Variants in HPSE2 observed in about 807,000 individuals in gnomAD.
The protein encoded by HPSE2 is heparanase 2 (inactive), also known as inactive heparanase-2.
In HPSE2, 38 loss-of-function variants were observed where a neutral mutation model predicts 60.5. The ratio of observed to expected loss-of-function variants is 0.63; its 90% CI spans 0.48 to 0.82. HPSE2 has a LOEUF of 0.82. Among genes scored for constraint, HPSE2 ranks in the 40% least tolerant of loss-of-function variants. The probability of loss-of-function intolerance (pLI) is 0.00; values close to 1 mark genes in which losing one functional copy is unlikely to be tolerated. For missense variants in HPSE2, 713 were observed against 740.4 expected, an observed-to-expected ratio of 0.96 and a Z score of 0.43; for synonymous variants, 295 against 293.2, an observed-to-expected ratio of 1.01 and a Z score of -0.06.
At position 98,821,494 on chromosome 10, in the gene HPSE2, T is replaced by C. The variant is rs1951422344; in HGVS notation, c.611-77438A>G. Among the ~76,000 whole-genome samples, 5 of 152,188 alleles carry C rather than the reference T, an allele frequency of 3.3e-5. No individual in the cohort carries two copies. In the South Asian group the frequency reaches 1.0e-3, roughly 32 times the overall value. ...CATATATGTGGTCAGTTGACAAAAA[T>C]GTGCAGCACATGACTACATGCAGCA... On this transcript the variant is annotated intron_variant, in intron 3 of 11. Transcript: ENST00000370552.
intron 3 of HPSE2, among the ~76,000 whole-genome samples, chr10:99,073,249 G>C (rs987233755): frequency 6.6e-6 from 1 of 152,088 alleles, no homozygotes; most frequent in African/African-American, 2.4e-5. Flanking sequence ...TGATAGACTG[G>C]ACAAAGAAAA....
At chr10:98,772,432 C>T (rs1950261039) in intron 3 of HPSE2, among the ~76,000 whole-genome samples, 1 of 152,184 alleles carries the variant, frequency 6.6e-6, no homozygotes, top group Non-Finnish European at 1.5e-5. Context: ...TGACTGAAGA[C>T]ATGGCCAGGA....
At chr10:99,103,581 G>C (rs1260476492) in intron 3 of HPSE2, among the ~76,000 whole-genome samples, 2 of 152,134 alleles carry the variant, frequency 1.3e-5, no homozygotes, top group Non-Finnish European at 2.9e-5. Context: ...TAGATTCAAT[G>C]CCATCCCCAT....
At chr10:98,580,836 A>ATATATATATATATATGTGTGTGTGTGTG in intron 9 of HPSE2, among the ~76,000 whole-genome samples, 28 of 119,552 alleles carry the variant, frequency 2.3e-4, no homozygotes, top group African/African-American at 9.3e-4. Flanking sequence ...ATATATATAT[A>ATATATATATATATATGTGTGTGTGTGTG]TGTGTGTGTG....
chr10:98,564,882 G>T (rs1944295562), intron 9 of HPSE2, among the ~76,000 whole-genome samples: 1 of 151,956 alleles, frequency 6.6e-6, no homozygotes, highest in East Asian at 1.9e-4. Flanking sequence ...CTAATTCTGG[G>T]GTGACTCTAC....
chr10:99,007,160 A>C (rs1956913508), intron 3 of HPSE2, among the ~76,000 whole-genome samples: 1 of 152,168 alleles, frequency 6.6e-6, no homozygotes, highest in Non-Finnish European at 1.5e-5. Flanking sequence ...ACATAGAACA[A>C]GTCCTCCGGG....
At chr10:98,643,785 A>AATTTATGCAAT (rs1329513282) in intron 6 of HPSE2, among the ~76,000 whole-genome samples, 23 of 152,350 alleles carry the variant, frequency 1.5e-4, no homozygotes, top group African/African-American at 5.0e-4. Flanking sequence ...AATTAAAAAT[A>AATTTATGCAAT]ATTTATGCAA....
intron 2 of HPSE2, among the ~76,000 whole-genome samples, chr10:99,211,156 C>T (rs1011531616): frequency 6.6e-6 from 1 of 151,692 alleles, no homozygotes; most frequent in African/African-American, 2.4e-5. Context: ...GACAACAATT[C>T]TATTTATAAT....
intron 9 of HPSE2, among the ~76,000 whole-genome samples, chr10:98,593,727 T>G (rs1271506973): frequency 6.6e-6 from 1 of 152,164 alleles, no homozygotes; most frequent in Non-Finnish European, 1.5e-5. Context: ...CTGGGTAAAT[T>G]ACCTACATTG....
chr10:98,805,049 G>A lies in HPSE2; in HGVS notation c.611-60993C>T, dbSNP rs185495954. On this transcript the variant is annotated intron_variant, in intron 3 of 11. Coordinates refer to ENST00000370552, the MANE Select transcript of HPSE2 (RefSeq NM_021828.5). ...AGCCAGGCAAGGGAAGACAAACATC[G>A]CATGTTCTTACTTACCTGAAGATCT... Among the ~76,000 whole-genome samples the A allele has an allele frequency of 3.9e-5, 6 of 152,192 alleles. No homozygotes were observed. In the South Asian group the frequency reaches 6.2e-4, roughly 16 times the overall value.
chr10:98,974,385 G>C (rs1194114853), intron 3 of HPSE2, among the ~76,000 whole-genome samples: 2 of 152,082 alleles, frequency 1.3e-5, no homozygotes, highest in Non-Finnish European at 2.9e-5. Context: ...GCCCAGGCTG[G>C]AGTGCAGTGG....
intron 3 of HPSE2, among the ~76,000 whole-genome samples, chr10:98,802,592 T>C (rs999367685): frequency 6.6e-6 from 1 of 150,992 alleles, no homozygotes; most frequent in Non-Finnish European, 1.5e-5. Flanking sequence ...GTTCTTGCGA[T>C]AGTTTACTGA....
At chr10:98,638,137 CAAAAAAAAA>C (rs34364786) in intron 7 of HPSE2, among the ~76,000 whole-genome samples, 3 of 14,682 alleles carry the variant, frequency 2.0e-4, no homozygotes, top group Admixed American at 1.7e-3. Flanking sequence ...AGACCCATCT[CAAAAAAAAA>C]AAAAAAAAAA....
At chr10:98,642,957 T>C (rs1946676263) in intron 6 of HPSE2, among the ~76,000 whole-genome samples, 1 of 152,242 alleles carries the variant, frequency 6.6e-6, no homozygotes, top group Non-Finnish European at 1.5e-5. Context: ...CAATGTCAAC[T>C]TGCCATACCA....
intron 3 of HPSE2, among the ~76,000 whole-genome samples, chr10:98,934,461 G>T (rs114321846): frequency 0.012 from 1,746 of 144,478 alleles, 389 homozygotes; most frequent in African/African-American, 0.045. Flanking sequence ...GCTCTTGCCA[G>T]GCAGGCCTGG....
At chr10:98,792,703 G>A (rs1589832297) in intron 3 of HPSE2, among the ~76,000 whole-genome samples, 1 of 151,460 alleles carries the variant, frequency 6.6e-6, no homozygotes, top group African/African-American at 2.4e-5. Flanking sequence ...TCAGAGTGGT[G>A]GTTGTTTCTC....
chr10:98,737,564 G>A (rs1949389969), intron 4 of HPSE2, among the ~76,000 whole-genome samples: 1 of 151,942 alleles, frequency 6.6e-6, no homozygotes, highest in Admixed American at 6.6e-5. Flanking sequence ...GCCCCACCCT[G>A]CTTCTGCTCA....
At chr10:99,191,188 G>T (rs576018514) in intron 2 of HPSE2, among the ~76,000 whole-genome samples, 1 of 152,108 alleles carries the variant, frequency 6.6e-6, no homozygotes, top group South Asian at 2.1e-4. Context: ...ACCTACCTGG[G>T]GCTGGGGGGT....
chr10:98,600,858 TATATATACGTATATATGTATATATAC>T (rs1309359483), intron 9 of HPSE2, among the ~76,000 whole-genome samples: 12 of 144,898 alleles, frequency 8.3e-5, no homozygotes, highest in African/African-American at 3.0e-4. Flanking sequence ...ACACATATTA[TATATATACGTATATATGTATATATAC>T]ATATATACGT....
Sources: allele counts gnomAD v4.1 joint callset (sites outside exome capture counted in the v4.1 genomes callset), GRCh38; gene constraint gnomAD v4.1.1; transcripts MANE v1.5; gene names NCBI Gene and HGNC (gene_info 2026-07-23, HGNC 2026-07-21).